DPP6: variants seen among roughly 807,000 people sequenced by gnomAD.
DPP6 encodes A-type potassium channel modulatory protein DPP6.
A neutral mutation model predicts 122.6 loss-of-function variants in DPP6; 69 were observed. That is an observed-to-expected ratio of 0.56 (90% CI 0.46 to 0.69). The LOEUF (loss-of-function observed/expected upper bound fraction) is 0.69, where lower values mean the gene tolerates loss of function less well. Ranked by LOEUF, DPP6 falls within the 30% of genes least tolerant of loss-of-function variation. The pLI is 0.00. For synonymous variants in DPP6, 418 were observed against 433.1 expected, an observed-to-expected ratio of 0.97 and a Z score of 0.43; for missense variants, 928 against 1,116.9, an observed-to-expected ratio of 0.83 and a Z score of 2.41.
intron 1 of DPP6, among the ~76,000 whole-genome samples, chr7:154,054,987 A>G (rs1218731187): frequency 6.6e-6 from 1 of 152,156 alleles, no homozygotes; most frequent in Admixed American, 6.5e-5. Context: ...AATGATTCTC[A>G]GATAAACACA....
At chr7:154,098,897 C>T (rs1172778205) in intron 1 of DPP6, among the ~76,000 whole-genome samples, 3 of 152,226 alleles carry the variant, frequency 2.0e-5, no homozygotes, top group Non-Finnish European at 2.9e-5. Context: ...AGTATCTAAA[C>T]TCATTCTTGC....
chr7:154,749,305 G>A (rs1402061458), intron 8 of DPP6, among the ~76,000 whole-genome samples: 6 of 141,968 alleles, frequency 4.2e-5, no homozygotes, highest in Admixed American at 2.1e-4. Flanking sequence ...CGGCTTTACT[G>A]AGAGAGTGTG....
intron 1 of DPP6, among the ~76,000 whole-genome samples, chr7:154,380,712 A>G (rs558789391): frequency 3.9e-5 from 6 of 152,252 alleles, no homozygotes; most frequent in Admixed American, 3.9e-4. Flanking sequence ...CTGGCAGGGA[A>G]CACAGTCCAG....
intron 1 of DPP6, among the ~76,000 whole-genome samples, chr7:154,063,557 G>T (rs1238055816): frequency 7.9e-6 from 1 of 126,384 alleles, no homozygotes; most frequent in African/African-American, 2.9e-5. Flanking sequence ...GGGACTGAGA[G>T]CTATCCCCTC....
chr7:154,272,332 C>G (rs1250434652), intron 1 of DPP6, among the ~76,000 whole-genome samples: 1 of 152,228 alleles, frequency 6.6e-6, no homozygotes, highest in South Asian at 2.1e-4. Context: ...GAACACACCT[C>G]TGTTACTTCT....
At chr7:153,757,809 T>C in the DPP6 span, among the ~76,000 whole-genome samples, 2 of 152,054 alleles carry the variant, frequency 1.3e-5, no homozygotes, top group Admixed American at 6.5e-5. Context: ...ATACAAAAAT[T>C]AGCCAGGCAC....
chr7:154,529,080 A>C (rs1448090792), intron 3 of DPP6, among the ~76,000 whole-genome samples: 1 of 152,234 alleles, frequency 6.6e-6, no homozygotes, highest in Non-Finnish European at 1.5e-5. Flanking sequence ...TAGAGAATGG[A>C]AATAAGGAGA....
intron 2 of DPP6, among the ~76,000 whole-genome samples, chr7:154,449,301 T>C (rs1240357349): frequency 6.6e-6 from 1 of 151,792 alleles, no homozygotes; most frequent in Admixed American, 6.6e-5. Flanking sequence ...GAAAGACAAA[T>C]GGCCAAAAAG....
At chr7:154,087,577 A>T (rs1804515164) in intron 1 of DPP6, among the ~76,000 whole-genome samples, 1 of 152,170 alleles carries the variant, frequency 6.6e-6, no homozygotes, top group Non-Finnish European at 1.5e-5. Flanking sequence ...GAGCCTTTTT[A>T]ACAGTGAGTG....
At chr7:153,906,354 C>G (rs1017490641) in intron 1 of DPP6, among the ~76,000 whole-genome samples, 14 of 152,182 alleles carry the variant, frequency 9.2e-5, no homozygotes, top group Non-Finnish European at 1.8e-4. Context: ...CTCCTCCCAC[C>G]CTCCAATCTT....
chr7:154,794,805 A>G (rs976428493), intron 11 of DPP6, among the ~76,000 whole-genome samples: 1 of 11,702 alleles, frequency 8.5e-5, no homozygotes, highest in African/African-American at 3.7e-4. Context: ...CCCTCGCCCC[A>G]TGGGATGGGC....
At chr7:154,279,628 T>C (rs1804376481) in intron 1 of DPP6, among the ~76,000 whole-genome samples, 1 of 152,238 alleles carries the variant, frequency 6.6e-6, no homozygotes, top group African/African-American at 2.4e-5. Flanking sequence ...TTGCAAAGTC[T>C]CATTAGTTTG....
chr7:154,761,168 G>A lies in DPP6; in HGVS notation c.884-8249G>A, dbSNP rs183645784. 1.2e-3 allele frequency among the ~76,000 whole-genome samples: 187 copies of A among 152,286 alleles called. 1 individual carries two copies. Among genetic ancestry groups the A allele is most frequent in the African/African-American group, 3.4e-3 (143 of 41,558 alleles). ...TTTTGAAACTAAATTTGAGCTCAGC[G>A]ATCTAAAATACAATGGCATAAAACT... On this transcript the variant is annotated intron_variant, in intron 8 of 25. Transcript: ENST00000377770.
intron 1 of DPP6, among the ~76,000 whole-genome samples, chr7:154,261,186 GC>G: frequency 6.6e-6 from 1 of 152,272 alleles, no homozygotes; most frequent in South Asian, 2.1e-4. Context: ...GAGCTGCCAC[GC>G]CCAGCCAATT....
intron 16 of DPP6, among the ~76,000 whole-genome samples, chr7:154,846,696 G>T (rs951950814): frequency 6.6e-6 from 1 of 151,302 alleles, no homozygotes; most frequent in African/African-American, 2.5e-5. Flanking sequence ...GAAAATGAAA[G>T]GAAACAACCT....
chr7:154,637,780 T>A, intron 5 of DPP6, 41 bp from the exon 6 acceptor site: 1 of 1,541,542 alleles, frequency 6.5e-7, no homozygotes, highest in African/African-American at 1.4e-5. Context: ...GTAACAGCCT[T>A]TGTCTCAATG....
At chr7:154,409,224 T>C (rs1015138623) in intron 1 of DPP6, among the ~76,000 whole-genome samples, 8 of 152,162 alleles carry the variant, frequency 5.3e-5, no homozygotes, top group African/African-American at 1.4e-4. Context: ...TAAATTAAAA[T>C]GAGGTCATAT....
chr7:154,519,463 CAG>C (rs2129942390), intron 3 of DPP6, among the ~76,000 whole-genome samples: 1 of 152,346 alleles, frequency 6.6e-6, no homozygotes, highest in South Asian at 2.1e-4. Flanking sequence ...CAGAAAGAAA[CAG>C]TGCACCACAG....
intron 1 of DPP6, among the ~76,000 whole-genome samples, chr7:154,284,400 T>A (rs985685019): frequency 6.6e-6 from 1 of 152,238 alleles, no homozygotes; most frequent in African/African-American, 2.4e-5. Flanking sequence ...GCCTATGTTC[T>A]TTGCAGCATT....
Sources: allele counts gnomAD v4.1 joint callset (sites outside exome capture counted in the v4.1 genomes callset), GRCh38; gene constraint gnomAD v4.1.1; transcripts MANE v1.5; gene names NCBI Gene and HGNC (gene_info 2026-07-23, HGNC 2026-07-21).